The following CYTH3 variants were observed in gnomAD, a reference collection of about 807,000 sequenced individuals.
CYTH3 encodes the protein cytohesin-3.
Under a neutral mutation model 55.1 loss-of-function variants are expected in CYTH3, and 23 were observed. The observed-to-expected ratio is 0.42, with a 90% CI of 0.30 to 0.59. CYTH3 has a LOEUF of 0.59. Among genes scored for constraint, CYTH3 ranks in the 20% least tolerant of loss-of-function variants. CYTH3 has a pLI of 0.20. For missense variants in CYTH3, 413 were observed against 524.8 expected (o/e 0.79, Z 2.08); for synonymous variants, 249 against 194.9 (o/e 1.28, Z -2.31).
Position 6,170,775 on chromosome 7 carries a change from C to T in CYTH3, c.711+55G>A. On this transcript the variant is annotated intron_variant, in intron 8 of 12. Transcript: ENST00000350796. This position sits in a 1 kb window ranked among gnomAD's most constrained non-coding sequence, Gnocchi z 7.8. ...TGTCTAGAGCCGCGGGCGCTGCGGC[C>T]GCTCACAGCGAAGAGATCCTGCAGA... 1 of 1,579,616 alleles carries T rather than the reference C, an allele frequency of 6.3e-7. No homozygotes were observed. The highest frequency in any genetic ancestry group is 1.1e-5 in the South Asian group (1 of 87,440).
chr7:6,259,760 TATATATATATATTATATATATATAATATA>T (rs1780246548), intron 1 of CYTH3, among the ~76,000 whole-genome samples: 4 of 25,902 alleles, frequency 1.5e-4, no homozygotes, highest in South Asian at 1.2e-3. Context: ...ATATATATTA[TATATATATATATTATATATATATAATATA>T]TATATATATA....
intron 1 of CYTH3, among the ~76,000 whole-genome samples, chr7:6,202,610 T>G (rs796825734): frequency 9.2e-5 from 14 of 152,208 alleles, no homozygotes; most frequent in African/African-American, 3.4e-4. Flanking sequence ...ATTACAGGCA[T>G]GCGCCGCCAC....
At chr7:6,246,909 C>A (rs891474697) in intron 1 of CYTH3, among the ~76,000 whole-genome samples, 3 of 151,778 alleles carry the variant, frequency 2.0e-5, no homozygotes, top group African/African-American at 4.8e-5. Flanking sequence ...ACCACAAGTT[C>A]CGCATTCTTG....
intron 1 of CYTH3, among the ~76,000 whole-genome samples, chr7:6,192,112 A>G (rs977604606): frequency 1.2e-4 from 18 of 152,206 alleles, no homozygotes; most frequent in African/African-American, 4.3e-4. Flanking sequence ...AAATTAATAA[A>G]TAAAAACTTT....
intron 1 of CYTH3, among the ~76,000 whole-genome samples, chr7:6,248,890 G>A (rs940165424): frequency 4.6e-5 from 7 of 152,194 alleles, no homozygotes; most frequent in Admixed American, 4.6e-4. Context: ...ATTCAAGGGA[G>A]GGGAGGTAAG....
At chr7:6,252,495 G>C (rs989594832) in intron 1 of CYTH3, among the ~76,000 whole-genome samples, 1 of 152,144 alleles carries the variant, frequency 6.6e-6, no homozygotes, top group Admixed American at 6.5e-5. Flanking sequence ...GGGAGACTCC[G>C]AGACCCTGTT....
At chr7:6,254,584 G>A (rs150751516) in intron 1 of CYTH3, among the ~76,000 whole-genome samples, 2,014 of 152,338 alleles carry the variant, frequency 0.013, 26 homozygotes, top group Middle Eastern at 0.058. Context: ...AAGAAGCTGG[G>A]ATTACAGGCG....
intron 1 of CYTH3, among the ~76,000 whole-genome samples, chr7:6,268,295 G>A (rs555334000): frequency 1.3e-4 from 20 of 152,202 alleles, no homozygotes; most frequent in South Asian, 1.0e-3. Context: ...AGCCTCCCGC[G>A]TAGCTGAGAT....
chr7:6,256,011 C>A (rs541382186), intron 1 of CYTH3, among the ~76,000 whole-genome samples: 25 of 152,160 alleles, frequency 1.6e-4, no homozygotes, highest in Non-Finnish European at 3.1e-4. Context: ...GATCCACCCA[C>A]CTCGGCCTCC....
intron 1 of CYTH3, among the ~76,000 whole-genome samples, chr7:6,238,510 T>TC (rs1158301878): frequency 6.6e-6 from 1 of 152,158 alleles, no homozygotes; most frequent in African/African-American, 2.4e-5. Flanking sequence ...ACAGATAATG[T>TC]CAATAACCTA....
In CYTH3 at chr7:6,259,763, ATATATATATT is replaced by A. The variant is rs1780248810; in HGVS notation, c.34+12701_34+12710del. ...TATATAATATATATATATATTATAT[ATATATATATT>A]ATATATATATAATATATATATATAT... On this transcript the variant is annotated intron_variant, in intron 1 of 12. Coordinates refer to ENST00000350796, the MANE Select transcript of CYTH3 (RefSeq NM_004227.4). 2.4e-4 allele frequency among the ~76,000 whole-genome samples: 6 copies of A among 25,330 alleles called. 1 individual carries two copies. The highest frequency in any genetic ancestry group is 2.4e-3 in the South Asian group (2 of 846). The allele number at this position is 25,330 out of a possible 152,430, so 16.6% of individuals were successfully genotyped here.
intron 1 of CYTH3, among the ~76,000 whole-genome samples, chr7:6,271,168 C>A (rs1462383642): frequency 5.3e-5 from 8 of 152,144 alleles, no homozygotes; most frequent in African/African-American, 1.9e-4. Flanking sequence ...CATCAACACA[C>A]CCACTCGGTG....
intron 1 of CYTH3, among the ~76,000 whole-genome samples, chr7:6,217,993 G>C (rs1291156467): frequency 1.3e-5 from 2 of 152,016 alleles, no homozygotes; most frequent in African/African-American, 2.4e-5. Flanking sequence ...GTCCAGCCTG[G>C]GCAACATGAC....
At chr7:6,239,095 TC>T (rs1321044104) in intron 1 of CYTH3, among the ~76,000 whole-genome samples, 3 of 152,230 alleles carry the variant, frequency 2.0e-5, no homozygotes, top group African/African-American at 7.2e-5. Flanking sequence ...ATGCCTGTAG[TC>T]CCAACTACTC....
At chr7:6,179,886 CCACA>C (rs1400122072) in intron 4 of CYTH3, among the ~76,000 whole-genome samples, 6 of 118,938 alleles carry the variant, frequency 5.0e-5, no homozygotes, top group East Asian at 4.6e-4. Flanking sequence ...ACCACACACA[CCACA>C]CACACCCACA....
At chr7:6,268,928 C>A (rs1229645744) in intron 1 of CYTH3, among the ~76,000 whole-genome samples, 1 of 152,174 alleles carries the variant, frequency 6.6e-6, no homozygotes, top group Admixed American at 6.5e-5. Context: ...GTTACCACTT[C>A]TCAAATAGAG....
chr7:6,215,559 C>T (rs1207154372), intron 1 of CYTH3, among the ~76,000 whole-genome samples: 1 of 144,976 alleles, frequency 6.9e-6, no homozygotes, highest in Non-Finnish European at 1.5e-5. Context: ...CACCGCACTC[C>T]AGCCTGGGCG....
intron 3 of CYTH3, 145 bp downstream of exon 3, chr7:6,187,512 G>A: frequency 1.3e-6 from 1 of 741,066 alleles, no homozygotes; most frequent in Non-Finnish European, 2.4e-6. Flanking sequence ...CCTCCACGCA[G>A]AGTAGGGGGA....
chr7:6,268,759 C>T lies in CYTH3; in HGVS notation c.34+3715G>A, dbSNP rs577449492. On this transcript the variant is annotated intron_variant, in intron 1 of 12. Coordinates refer to ENST00000350796, the MANE Select transcript of CYTH3 (RefSeq NM_004227.4). Reference sequence around the variant, plus strand: ...TACTGCCTAAAGCACCTGTATCTATCAGGGTCCACCCAGAGAAACAGAGAC... The same window carrying T: ...TACTGCCTAAAGCACCTGTATCTATTAGGGTCCACCCAGAGAAACAGAGAC... 3.5e-4 allele frequency among the ~76,000 whole-genome samples: 54 copies of T among 152,308 alleles called. 1 individual carries two copies. Among genetic ancestry groups the T allele is most frequent in the Admixed American group, 1.8e-3 (27 of 15,302 alleles).
Sources: allele counts gnomAD v4.1 joint callset (sites outside exome capture counted in the v4.1 genomes callset), GRCh38; gene constraint gnomAD v4.1.1; non-coding constraint Gnocchi (gnomAD v3.1); transcripts MANE v1.5; gene names NCBI Gene and HGNC (gene_info 2026-07-23, HGNC 2026-07-21).